MUS81: variants seen among roughly 807,000 people sequenced by gnomAD.
MUS81 encodes structure-specific endonuclease subunit MUS81.
MUS81 carries 69 observed loss-of-function variants against 74.2 expected under a neutral mutation model. The observed-to-expected ratio is 0.93, with a 90% CI of 0.77 to 1.14. MUS81 has a LOEUF of 1.14. Among genes scored for constraint, MUS81 ranks in the 50% most tolerant of loss-of-function variants. The pLI is 0.00. For synonymous variants in MUS81, 303 were observed against 300.6 expected, an observed-to-expected ratio of 1.01 and a Z score of -0.08; for missense variants, 711 against 726.5, an observed-to-expected ratio of 0.98 and a Z score of 0.25.
In MUS81 at chr11:65,861,042, T is replaced by C; in HGVS notation, c.205T>C (p.Phe69Leu). Residue 69 changes from phenylalanine (F) to leucine (L), a missense_variant, in exon 2 of 16, where the codon TTC (phenylalanine) becomes CTC (leucine). Transcript: ENST00000308110. The part of the protein sequence containing the change: ...SGKEAKILQH[F>L]GDGLCRMLDE... ...GAAGGAAGCTAAGATCCTACAGCAC[T>C]TCGGAGACGGGCTCTGCCGGATGCT... 6.2e-7 allele frequency: 1 copy of C among 1,612,600 alleles called. No individual in the cohort carries two copies. The highest frequency in any genetic ancestry group is 8.5e-7 in the Non-Finnish European group (1 of 1,179,948).
intron 4 of MUS81, 42 bp downstream of exon 4, chr11:65,862,087 G>C: frequency 6.3e-7 from 1 of 1,597,136 alleles, no homozygotes; most frequent in Non-Finnish European, 8.6e-7. Context: ...CATGGCAGTG[G>C]GGTGGGAGGT....
Position 65,863,634 on chromosome 11 carries a change from C to A in MUS81, c.874C>A (p.Gln292Lys). ...CAGGCCGGAGCTGCTCCGAGAGCTA[C>A]AGCGGCTGCACGTGACCCACACGGT... ...GHRPELLREL[Q>K]RLHVTHTVRK... The change falls in exon 9 of 16, where the codon CAG (glutamine) becomes AAG (lysine). Residue 292 changes from glutamine to lysine, a missense_variant. Gln to Lys is a moderately conservative substitution (Grantham distance 53, BLOSUM62 1). Transcript: ENST00000308110. The A allele has an allele frequency of 6.2e-7, 1 of 1,614,054 alleles. No homozygotes were observed. Among genetic ancestry groups the A allele is most frequent in the East Asian group, 2.2e-5 (1 of 44,884 alleles).
chr11:65,866,597 T>G, downstream of MUS81: 2 of 702,712 alleles, frequency 2.8e-6, no homozygotes, highest in Non-Finnish European at 5.2e-6. Flanking sequence ...GCCAGCCAAG[T>G]CCAAATCTCT....
intron 3 of MUS81, 179 bp from the exon 4 acceptor site, chr11:65,861,768 G>A (rs1330243282): frequency 1.3e-5 from 8 of 636,558 alleles, no homozygotes; most frequent in Middle Eastern, 3.0e-4. Flanking sequence ...CCACTGCCCC[G>A]AAACTGCCTG....
rs1056228264 is a variant in MUS81, at chr11:65,861,588, C to A, written c.351+153C>A. On this transcript the variant is annotated intron_variant, in intron 3 of 15. Transcript: ENST00000308110. Reference sequence around the variant, plus strand: ...TCCTCTTTTCGACTTAGTATTTTAACCTGTGAATAGAAATATTGGTAACAG... The same window carrying A: ...TCCTCTTTTCGACTTAGTATTTTAAACTGTGAATAGAAATATTGGTAACAG... 1.4e-5 allele frequency: 9 copies of A among 640,782 alleles called. No individual in the cohort carries two copies. The African/African-American group carries it at 1.6e-4, about 12-fold the overall frequency. The allele number at this position is 640,782 out of a possible 1,614,324, so 39.7% of individuals were successfully genotyped here.
chr11:65,864,711 C>T lies in MUS81; in HGVS notation c.1177-9C>T. ...AGCCACCTTCCCTCTCTTGGGTCCTCTTCCCCAGGTCATTGATGGCTTTTT... is the reference window on the plus strand; with the variant it reads ...AGCCACCTTCCCTCTCTTGGGTCCTTTTCCCCAGGTCATTGATGGCTTTTT... On this transcript the variant is annotated splice_polypyrimidine_tract_variant and intron_variant, in intron 11 of 15. Coordinates refer to ENST00000308110, the MANE Select transcript of MUS81 (RefSeq NM_025128.5). 6.2e-7 allele frequency: 1 copy of T among 1,614,086 alleles called. No homozygotes were observed.
At chr11:65,865,929 A>T (rs182887545) in intron 15 of MUS81, 35 bp downstream of exon 15, 5 of 1,614,048 alleles carry the variant, frequency 3.1e-6, no homozygotes, top group Non-Finnish European at 4.2e-6. Flanking sequence ...AGGGAGTGGC[A>T]GGGACTGGGG....
Position 65,863,077 on chromosome 11 carries a change from C to T in MUS81, c.618C>T (p.Thr206=), listed in dbSNP as rs2134730603. The change falls in exon 7 of 16, where the codon ACC becomes ACT. Residue 206 remains threonine (T), a synonymous_variant. Transcript: ENST00000308110. ...RTHQPARYSL[T]PEGLELAQKL... is the part of the protein sequence containing the mutation. The stretch of plus-strand genomic sequence containing the variant: ...CTCTGCCTCCCAGGTACTCATTGAC[C>T]CCAGAGGGCCTGGAGCTGGCCCAGA... 1 of 1,614,088 alleles carries T rather than the reference C, an allele frequency of 6.2e-7. No individual in the cohort carries two copies. Among genetic ancestry groups the T allele is most frequent in the Non-Finnish European group, 8.5e-7 (1 of 1,180,006 alleles).
chr11:65,863,763 G>C, intron 9 of MUS81, 41 bp from the exon 10 acceptor site: 2 of 1,614,162 alleles, frequency 1.2e-6, no homozygotes. Flanking sequence ...GCAGGGCCTG[G>C]TGGGTAGGGG....
Position 65,866,077 on chromosome 11 carries a change from G to T in MUS81, c.*25G>T. On this transcript the variant is annotated 3_prime_UTR_variant, in exon 16 of 16. Coordinates refer to ENST00000308110, the MANE Select transcript of MUS81 (RefSeq NM_025128.5). Reference sequence around the variant, plus strand: ...AGCTTATGCCGTGAAACAGCCCCCAGCCCCCGTCTGTCCCCCAACCCAGGC... The same window carrying T: ...AGCTTATGCCGTGAAACAGCCCCCATCCCCCGTCTGTCCCCCAACCCAGGC... The T allele has an allele frequency of 6.2e-7, 1 of 1,606,268 alleles. No homozygotes were observed. The highest frequency in any genetic ancestry group is 8.5e-7 in the Non-Finnish European group (1 of 1,176,118).
chr11:65,859,912 C>T (rs552439685), upstream of MUS81: 19 of 195,838 alleles, frequency 9.7e-5, no homozygotes, highest in East Asian at 1.6e-3. Context: ...CAGCCTGCTC[C>T]TCCGCTCCCA....
Position 65,863,092 on chromosome 11 carries a change from GC to G in MUS81, c.634del (p.Leu212TrpfsTer11). ...RYSLTPEGLE[L>X]AQKLAESEGL... ...ACTCATTGACCCCAGAGGGCCTGGA[GC>G]TGGCCCAGAAGTTGGCCGAGTCAGA... is the stretch of plus-strand genomic sequence containing the variant. On this transcript the variant is annotated frameshift_variant, in exon 7 of 16. Transcript: ENST00000308110. LOFTEE classifies it high-confidence loss of function. 6.2e-7 allele frequency: 1 copy of G among 1,614,162 alleles called. No homozygotes were observed. The highest frequency in any genetic ancestry group is 8.5e-7 in the Non-Finnish European group (1 of 1,180,022).
Position 65,866,225 on chromosome 11 carries a change from C to A in MUS81, c.*173C>A. 6.1e-6 allele frequency: 4 copies of A among 650,696 alleles called. No homozygotes were observed. The highest frequency in any genetic ancestry group is 1.0e-5 in the Non-Finnish European group (4 of 382,488). 40.3% of individuals were successfully genotyped at this position (650,696 alleles called of 1,614,324 possible). ...GTGAAATACGCAGGAACCAGGGATA[C>A]CATCTGGTCCAGTGGTTTTTAAACA... On this transcript the variant is annotated 3_prime_UTR_variant, in exon 16 of 16. Transcript: ENST00000308110.
chr11:65,860,921 G>A (rs1362169672), intron 1 of MUS81, 33 bp downstream of exon 1: 32 of 1,605,670 alleles, frequency 2.0e-5, no homozygotes, highest in Non-Finnish European at 2.7e-5. Flanking sequence ...GGGAAAAGCT[G>A]CTGGCCAGGT....
intron 3 of MUS81, chr11:65,861,659 A>G (rs182403383): frequency 1.8e-5 from 11 of 603,644 alleles, no homozygotes; most frequent in Non-Finnish European, 3.2e-5. Flanking sequence ...ATCCCAGCTC[A>G]GTTAGTTACG....
chr11:65,864,460 G>A lies in MUS81; in HGVS notation c.1060-37G>A, dbSNP rs768047566. ...GGATGCCCAGGCATGTGGTCATCCA[G>A]CCTGACCCTCCCTGTCCACTCTGTA... On this transcript the variant is annotated intron_variant, in intron 10 of 15. Coordinates refer to ENST00000308110, the MANE Select transcript of MUS81 (RefSeq NM_025128.5). 4.4e-6 allele frequency: 7 copies of A among 1,581,582 alleles called. No individual in the cohort carries two copies. In the Admixed American group the frequency reaches 1.2e-4, roughly 26 times the overall value.
Position 65,863,821 on chromosome 11 carries a change from G to A in MUS81, c.979G>A (p.Val327Ile). 6.2e-7 allele frequency: 1 copy of A among 1,614,152 alleles called. No homozygotes were observed. The highest frequency in any genetic ancestry group is 8.5e-7 in the Non-Finnish European group (1 of 1,180,020). ...GTCAGCAGCAAACCCTGGGGAGTTG[G>A]TACTGGATCACATTGTGGAGCGCAA... Reference protein sequence around the residue: ...PRDPANPGELVLDHIVERKRL... With the variant: ...PRDPANPGELILDHIVERKRL... The change falls in exon 10 of 16, where the codon GTA (valine) becomes ATA (isoleucine). Residue 327 changes from valine (V) to isoleucine (I), a missense_variant. Transcript: ENST00000308110.
chr11:65,861,339 C>G lies in MUS81; in HGVS notation c.266-11C>G, dbSNP rs1201766310. On this transcript the variant is annotated splice_polypyrimidine_tract_variant and intron_variant, in intron 2 of 15. Transcript: ENST00000308110. ...CGTGGAGTGTGGAGTTAACTCTTTT[C>G]TCTCCCGCAGGTGACCATGCCCCGG... 1 of 1,582,606 alleles carries G rather than the reference C, an allele frequency of 6.3e-7. No individual in the cohort carries two copies. The highest frequency in any genetic ancestry group is 8.6e-7 in the Non-Finnish European group (1 of 1,162,248).
chr11:65,861,496 C>T, intron 3 of MUS81, 61 bp downstream of exon 3: 1 of 1,459,616 alleles, frequency 6.9e-7, no homozygotes, highest in Non-Finnish European at 9.3e-7. Flanking sequence ...GATTTTCTGG[C>T]TTGGGGGATT....
Sources: allele counts gnomAD v4.1 joint callset, GRCh38; gene constraint gnomAD v4.1.1; transcripts MANE v1.5; gene names NCBI Gene and HGNC (gene_info 2026-07-23, HGNC 2026-07-21).